NAV3: variants seen among roughly 807,000 people sequenced by gnomAD.
NAV3 encodes pore membrane and/or filament interacting like protein 1.
A neutral mutation model predicts 244.7 loss-of-function variants in NAV3; 87 were observed. The observed-to-expected ratio is 0.36, with a 90% CI of 0.30 to 0.42. The LOEUF (loss-of-function observed/expected upper bound fraction) is 0.42. Ranked by LOEUF, NAV3 falls within the 20% of genes least tolerant of loss-of-function variation. The pLI is 1.00. For missense variants in NAV3, 2,663 were observed against 2,893.3 expected, an observed-to-expected ratio of 0.92 and a Z score of 1.83; for synonymous variants, 1,126 against 1,042.2, an observed-to-expected ratio of 1.08 and a Z score of -1.55.
intron 12 of NAV3, among the ~76,000 whole-genome samples, chr12:78,096,715 C>T (rs758737513): frequency 2.0e-5 from 3 of 152,104 alleles, no homozygotes; most frequent in Admixed American, 6.5e-5. Flanking sequence ...CCACTGGGAC[C>T]CTCCCACAAC....
intron 2 of NAV3, among the ~76,000 whole-genome samples, chr12:77,717,969 G>T (rs1286017850): frequency 6.6e-6 from 1 of 152,050 alleles, no homozygotes; most frequent in East Asian, 1.9e-4. Flanking sequence ...ATATATTTTT[G>T]ATATTAACCC....
chr12:78,030,453 A>G (rs1012030323), intron 9 of NAV3, among the ~76,000 whole-genome samples: 2 of 152,220 alleles, frequency 1.3e-5, no homozygotes, highest in Admixed American at 6.5e-5. Flanking sequence ...ATTGGAAAAA[A>G]TAAATTTTGG....
At chr12:77,738,533 G>A (rs934138054) in intron 2 of NAV3, among the ~76,000 whole-genome samples, 6 of 152,168 alleles carry the variant, frequency 3.9e-5, no homozygotes, top group Admixed American at 2.0e-4. Flanking sequence ...ATTAACAGAA[G>A]GAAGTGTTCA....
At chr12:78,050,717 G>A (rs1882616949) in intron 10 of NAV3, 47 bp from the exon 11 acceptor site, 1 of 1,537,928 alleles carries the variant, frequency 6.5e-7, no homozygotes, top group Non-Finnish European at 8.8e-7. Flanking sequence ...CTAGATTATG[G>A]CCCTAAGTGA....
At chr12:77,657,943 T>C (rs1873203632) in intron 2 of NAV3, among the ~76,000 whole-genome samples, 1 of 152,192 alleles carries the variant, frequency 6.6e-6, no homozygotes, top group African/African-American at 2.4e-5. Flanking sequence ...AATTAGGTAT[T>C]GATGGGATGT....
At chr12:78,049,841 A>C in intron 9 of NAV3, 152 bp from the exon 10 acceptor site, 1 of 547,820 alleles carries the variant, frequency 1.8e-6, no homozygotes, top group Non-Finnish European at 3.2e-6. Context: ...TTATTGCTAG[A>C]AAGAATTATA....
chr12:77,994,450 T>A (rs1168660929), intron 5 of NAV3, among the ~76,000 whole-genome samples: 1 of 69,320 alleles, frequency 1.4e-5, no homozygotes, highest in Non-Finnish European at 2.7e-5. Context: ...ATCATGTCAG[T>A]GAAACTTTAG....
intron 2 of NAV3, among the ~76,000 whole-genome samples, chr12:77,588,526 C>A (rs1414531225): frequency 1.3e-5 from 2 of 152,116 alleles, no homozygotes; most frequent in African/African-American, 4.8e-5. Flanking sequence ...TACTGGTGTT[C>A]ACACCACACC....
At chr12:78,142,611 T>C (rs114726552) in intron 20 of NAV3, among the ~76,000 whole-genome samples, 1,863 of 149,580 alleles carry the variant, frequency 0.012, 34 homozygotes, top group African/African-American at 0.043. Flanking sequence ...ATGAGAAATA[T>C]TGTTTTAAGA....
At chr12:77,663,062 T>C (rs1042804049) in intron 2 of NAV3, among the ~76,000 whole-genome samples, 4 of 152,242 alleles carry the variant, frequency 2.6e-5, no homozygotes, top group Non-Finnish European at 5.9e-5. Context: ...TTCACTTAAA[T>C]GTTGTAAATT....
At chr12:77,879,301 C>T (rs947780069) in intron 1 of NAV3, among the ~76,000 whole-genome samples, 11 of 152,034 alleles carry the variant, frequency 7.2e-5, no homozygotes, top group African/African-American at 2.4e-4. Flanking sequence ...TTTATGTACA[C>T]AGAATTTATA....
chr12:77,765,416 A>G (rs1195189411), intron 2 of NAV3, among the ~76,000 whole-genome samples: 1 of 152,206 alleles, frequency 6.6e-6, no homozygotes, highest in African/African-American at 2.4e-5. Context: ...GGTGCCTTTG[A>G]AGCACACATG....
intron 2 of NAV3, among the ~76,000 whole-genome samples, chr12:77,583,545 T>C (rs1434776653): frequency 1.3e-5 from 2 of 152,232 alleles, no homozygotes; most frequent in Non-Finnish European, 2.9e-5. Context: ...TAGCATACCA[T>C]GTTGTTTTGG....
At chr12:77,753,128 G>T (rs1333065785) in intron 2 of NAV3, among the ~76,000 whole-genome samples, 3 of 152,126 alleles carry the variant, frequency 2.0e-5, no homozygotes, top group Non-Finnish European at 4.4e-5. Flanking sequence ...ACCATCTTCT[G>T]TAAAAATTGT....
intron 3 of NAV3, among the ~76,000 whole-genome samples, chr12:77,947,273 A>G (rs1890439653): frequency 6.6e-6 from 1 of 151,722 alleles, no homozygotes; most frequent in South Asian, 2.1e-4. Flanking sequence ...TCTTGATCCT[A>G]TTTCTATTGC....
chr12:77,605,116 G>C (rs978977061), intron 2 of NAV3, among the ~76,000 whole-genome samples: 2 of 152,172 alleles, frequency 1.3e-5, no homozygotes, highest in Middle Eastern at 3.4e-3. Context: ...TGTCTATGCT[G>C]TAGAAATGTC....
chr12:78,081,255 A>T (rs1469974479), intron 12 of NAV3, among the ~76,000 whole-genome samples: 2 of 152,164 alleles, frequency 1.3e-5, no homozygotes, highest in African/African-American at 4.8e-5. Flanking sequence ...TCTTTTCTTG[A>T]AAGAATCTCT....
At chr12:78,053,433 G>C (rs1175082396) in intron 11 of NAV3, among the ~76,000 whole-genome samples, 1 of 151,956 alleles carries the variant, frequency 6.6e-6, no homozygotes, top group Non-Finnish European at 1.5e-5. Flanking sequence ...TTTGTCAACT[G>C]ATCAATACAT....
At chr12:77,956,865 C>T (rs1202021776) in intron 3 of NAV3, among the ~76,000 whole-genome samples, 2 of 152,144 alleles carry the variant, frequency 1.3e-5, no homozygotes, top group Admixed American at 6.5e-5. Context: ...GCCTCAGCCT[C>T]CAGAGTAGCT....
Sources: gnomAD v4.1 joint callset for allele counts (sites outside exome capture counted in the v4.1 genomes callset) on GRCh38, gnomAD v4.1.1 for gene constraint, MANE v1.5 for transcripts, NCBI Gene and HGNC (gene_info 2026-07-23, HGNC 2026-07-21) for gene names.